PLCB1: variants seen among roughly 807,000 people sequenced by gnomAD.
PLCB1 encodes phospholipase C beta 1.
Under a neutral mutation model 161.8 loss-of-function variants are expected in PLCB1, and 46 were observed. The observed-to-expected ratio is 0.28, with a 90% CI of 0.22 to 0.36. The LOEUF is 0.36. Among genes scored for constraint, PLCB1 ranks in the 10% least tolerant of loss-of-function variants. PLCB1 has a pLI of 1.00. For missense variants in PLCB1, 1,016 were observed against 1,472.5 expected (o/e 0.69, Z 5.07); for synonymous variants, 517 against 503.7 (o/e 1.03, Z -0.35).
chr20:8,820,592 G>A lies in PLCB1; in HGVS notation c.3423+30331G>A, dbSNP rs571173717. ...TTTGAGATTATCTAGTTAAGTTGAA[G>A]GTGTACAGTCCTATAACCAGAAATT... On this transcript the variant is annotated intron_variant, in intron 31 of 31. Coordinates refer to ENST00000338037, the MANE Select transcript of PLCB1 (RefSeq NM_015192.4). Among the ~76,000 whole-genome samples, 5 of 152,224 alleles carry A rather than the reference G, an allele frequency of 3.3e-5. 1 individual carries two copies. The highest frequency in any genetic ancestry group is 1.2e-4 in the African/African-American group (5 of 41,548).
intron 31 of PLCB1, among the ~76,000 whole-genome samples, chr20:8,846,725 C>T (rs1986703259): frequency 6.6e-6 from 1 of 152,158 alleles, no homozygotes; most frequent in African/African-American, 2.4e-5. Context: ...CTGACATGTA[C>T]AAAGTGTGAA....
At position 8,429,029 on chromosome 20, in the gene PLCB1, T is replaced by C. The variant is rs113406541; in HGVS notation, c.246+57579T>C. 1.9e-3 allele frequency among the ~76,000 whole-genome samples: 284 copies of C among 152,198 alleles called. 1 individual carries two copies. The highest frequency in any genetic ancestry group is 6.7e-3 in the African/African-American group (279 of 41,488). On this transcript the variant is annotated intron_variant, in intron 3 of 31. Coordinates refer to ENST00000338037, the MANE Select transcript of PLCB1 (RefSeq NM_015192.4). ...TTTAAAAGCCTCTGAGAGGCCAGTA[T>C]TATCCCCAGAAAGAATGAGAGGAGG...
rs113478978 is a variant in PLCB1, at chr20:8,567,906, T to C, written c.247-60388T>C. Among the ~76,000 whole-genome samples the C allele has an allele frequency of 4.0e-3, 602 of 152,330 alleles. 3 individuals carry two copies. The highest frequency in any genetic ancestry group is 0.013 in the African/African-American group (558 of 41,584). On this transcript the variant is annotated intron_variant, in intron 3 of 31. Transcript: ENST00000338037. ...TAAAGCTGTGACTTTGAAGTCAATT[T>C]ATACTTTAAAGGGAATCTATTATCA... is the stretch of plus-strand genomic sequence containing the variant.
chr20:8,473,273 T>C (rs2122721581), intron 3 of PLCB1, among the ~76,000 whole-genome samples: 1 of 151,208 alleles, frequency 6.6e-6, no homozygotes. Context: ...ACTAATGAAT[T>C]GGAGTTAGTT....
At chr20:8,282,689 A>G (rs1199382468) in intron 2 of PLCB1, among the ~76,000 whole-genome samples, 1 of 152,180 alleles carries the variant, frequency 6.6e-6, no homozygotes, top group Non-Finnish European at 1.5e-5. Flanking sequence ...AATCAATCAA[A>G]GGGGTTGGTA....
intron 3 of PLCB1, among the ~76,000 whole-genome samples, chr20:8,382,608 C>T (rs528661912): frequency 6.8e-6 from 1 of 146,782 alleles, no homozygotes; most frequent in South Asian, 2.2e-4. Flanking sequence ...TACAGTGGGG[C>T]ACAATCTCAG....
At chr20:8,881,372 C>T (rs1197297718) in intron 31 of PLCB1, among the ~76,000 whole-genome samples, 1 of 139,008 alleles carries the variant, frequency 7.2e-6, no homozygotes, top group Admixed American at 7.3e-5. Context: ...TTTGTAGATA[C>T]CGCTATTCAT....
chr20:8,186,955 TGCTA>T (rs1167036041), intron 2 of PLCB1, among the ~76,000 whole-genome samples: 1 of 152,052 alleles, frequency 6.6e-6, no homozygotes, highest in Non-Finnish European at 1.5e-5. Flanking sequence ...TTGCTGGGAG[TGCTA>T]GATGGCCCCA....
rs555810779 is a variant in PLCB1 at position 8,752,092 on chromosome 20, T to G, written c.2524-4954T>G. 5.3e-5 allele frequency: 8 copies of G among 152,366 alleles called. No individual in the cohort carries two copies. The South Asian group carries it at 1.2e-3, about 24-fold the overall frequency. The allele number at this position is 152,366 out of a possible 1,614,324, so 9.4% of individuals were successfully genotyped here. ...TTTGCTTAACTTATTTAACTTTGTA[T>G]GTACGGATGCCTTTTTAGTGCAACA... On this transcript the variant is annotated intron_variant, in intron 23 of 31. Coordinates refer to ENST00000338037, the MANE Select transcript of PLCB1 (RefSeq NM_015192.4).
At chr20:8,727,564 CCTATAGAACAAAAAACTGGT>C (rs890784288) in intron 17 of PLCB1, among the ~76,000 whole-genome samples, 171 bp downstream of exon 17, 1 of 151,882 alleles carries the variant, frequency 6.6e-6, no homozygotes, top group African/African-American at 2.4e-5. Context: ...GGTAGTCTGG[CCTATAGAACAAAAAACTGGT>C]CTTGGAATAA....
At chr20:8,163,205 G>A (rs148668390) in intron 2 of PLCB1, among the ~76,000 whole-genome samples, 18 of 152,326 alleles carry the variant, frequency 1.2e-4, no homozygotes, top group Non-Finnish European at 1.3e-4. Flanking sequence ...AAGTTACCAT[G>A]GTGTACAAGT....
intron 31 of PLCB1, among the ~76,000 whole-genome samples, chr20:8,793,202 G>A (rs1983851016): frequency 6.6e-6 from 1 of 152,168 alleles, no homozygotes; most frequent in African/African-American, 2.4e-5. Context: ...AGAAAACAGA[G>A]TGATTTCGTG....
intron 2 of PLCB1, among the ~76,000 whole-genome samples, chr20:8,157,943 G>A (rs532755082): frequency 7.2e-5 from 11 of 152,066 alleles, no homozygotes; most frequent in South Asian, 2.1e-4. Flanking sequence ...GTAATACCAC[G>A]AAAATTCATT....
intron 31 of PLCB1, among the ~76,000 whole-genome samples, chr20:8,835,961 C>T (rs1330663770): frequency 6.6e-6 from 1 of 152,044 alleles, no homozygotes; most frequent in Non-Finnish European, 1.5e-5. Flanking sequence ...TTGATCCCAG[C>T]TGGTCTTAGG....
At chr20:8,193,824 G>T (rs906262476) in intron 2 of PLCB1, among the ~76,000 whole-genome samples, 1 of 151,974 alleles carries the variant, frequency 6.6e-6, no homozygotes, top group Non-Finnish European at 1.5e-5. Context: ...TTGCAGCTAG[G>T]TGTGGTTGAG....
intron 14 of PLCB1, among the ~76,000 whole-genome samples, chr20:8,719,376 G>C (rs186540133): frequency 6.6e-6 from 1 of 152,154 alleles, no homozygotes; most frequent in Admixed American, 6.6e-5. Context: ...TTAAAGCAGA[G>C]GTATTCAGAA....
At chr20:8,659,803 C>A (rs930769826) in intron 9 of PLCB1, among the ~76,000 whole-genome samples, 2 of 151,864 alleles carry the variant, frequency 1.3e-5, no homozygotes, top group Admixed American at 6.6e-5. Flanking sequence ...ATCAGCCTGG[C>A]CAACATGGCG....
intron 2 of PLCB1, among the ~76,000 whole-genome samples, chr20:8,360,167 T>G (rs982673835): frequency 6.6e-6 from 1 of 152,244 alleles, no homozygotes; most frequent in African/African-American, 2.4e-5. Flanking sequence ...CTCCTGCATC[T>G]GTCAGACATG....
At position 8,486,102 on chromosome 20, in the gene PLCB1, A is replaced by G. The variant is rs148782610; in HGVS notation, c.246+114652A>G. On this transcript the variant is annotated intron_variant, in intron 3 of 31. Coordinates refer to ENST00000338037, the MANE Select transcript of PLCB1 (RefSeq NM_015192.4). ...ACCATCAGACCTCAATGAACTTACTATCATGAGAACAGCAGCATGGTGGTA... is the reference window on the plus strand; with the variant it reads ...ACCATCAGACCTCAATGAACTTACTGTCATGAGAACAGCAGCATGGTGGTA... 1.9e-3 allele frequency among the ~76,000 whole-genome samples: 289 copies of G among 152,264 alleles called. 2 individuals carry two copies. The highest frequency in any genetic ancestry group is 5.1e-3 in the African/African-American group (211 of 41,552).
Sources: gnomAD v4.1 joint callset for allele counts (sites outside exome capture counted in the v4.1 genomes callset) on GRCh38, gnomAD v4.1.1 for gene constraint, MANE v1.5 for transcripts, NCBI Gene and HGNC (gene_info 2026-07-23, HGNC 2026-07-21) for gene names.